Variants in ZNF43 observed in about 807,000 individuals in gnomAD.
ZNF43 encodes the protein zinc finger protein 39-like 1 (KOX 27).
Under a neutral mutation model 68.4 loss-of-function variants are expected in ZNF43, and 44 were observed. The observed-to-expected ratio is 0.64, with a 90% CI of 0.51 to 0.83. ZNF43 has a LOEUF of 0.83. Among genes scored for constraint, ZNF43 ranks in the 40% least tolerant of loss-of-function variants. The pLI is 0.00. For missense variants in ZNF43, 896 were observed against 933.2 expected (o/e 0.96, Z 0.52); for synonymous variants, 308 against 307.8 (o/e 1.00, Z -0.01).
intron 1 of ZNF43, among the ~76,000 whole-genome samples, chr19:21,826,022 C>T (rs917878318): frequency 6.6e-6 from 1 of 152,134 alleles, no homozygotes; most frequent in African/African-American, 2.4e-5. Context: ...GCACTCCAGC[C>T]TGGGCAACAG....
chr19:21,819,308 G>A, intron 1 of ZNF43, 87 bp from the exon 2 acceptor site: 3 of 1,453,112 alleles, frequency 2.1e-6, no homozygotes, highest in Non-Finnish European at 2.7e-6. Flanking sequence ...AAGGTAAAAT[G>A]AGAGAGTAAA....
rs1246798273 is a variant in ZNF43 at position 21,806,328 on chromosome 19, T to G, written c.*1279A>C. On this transcript the variant is annotated 3_prime_UTR_variant, in exon 4 of 4. Coordinates refer to ENST00000354959, the MANE Select transcript of ZNF43 (RefSeq NM_003423.4). The stretch of plus-strand genomic sequence containing the variant: ...AGTAGCTGGGATTATAGGTGCCTGG[T>G]AAATTTTTGTATTTTTAGTAAAGAC... The G allele has an allele frequency of 6.6e-6, 1 of 151,816 alleles. No homozygotes were observed. The highest frequency in any genetic ancestry group is 1.9e-4 in the East Asian group (1 of 5,164). The allele number at this position is 151,816 out of a possible 1,614,324, so 9.4% of individuals were successfully genotyped here. A position where few individuals can be genotyped will look rare whatever the true frequency, so the allele number is the denominator to read the frequency against.
intron 1 of ZNF43, among the ~76,000 whole-genome samples, chr19:21,851,696 G>T (rs1968378103): frequency 6.6e-6 from 1 of 152,204 alleles, no homozygotes; most frequent in Non-Finnish European, 1.5e-5. Flanking sequence ...GTGCAGAGCT[G>T]ACCAGAGAGC....
In ZNF43 at chr19:21,817,930, A is replaced by C. The variant is rs1253118019; in HGVS notation, c.187T>G (p.Trp63Gly). ...ITCLEQEKEP[W>G]EPMRRHEMVA... ...ATTTCATGTCTCCTCATAGGCTCCC[A>C]AGGCTCTTTTTCTTGCTCCAGACAG... is the stretch of plus-strand genomic sequence containing the variant. Residue 63 changes from tryptophan (W) to glycine (G), a missense_variant, in exon 3 of 4, where the codon TGG (tryptophan) becomes GGG (glycine). By Grantham distance (184) the Trp-to-Gly change is radical. Coordinates refer to ENST00000354959, the MANE Select transcript of ZNF43 (RefSeq NM_003423.4). 1.9e-6 allele frequency: 3 copies of C among 1,613,254 alleles called. No individual in the cohort carries two copies. In the South Asian group the frequency reaches 3.3e-5, roughly 18 times the overall value.
In ZNF43 at chr19:21,808,166, C is replaced by T. The variant is rs140393076; in HGVS notation, c.1871G>A (p.Cys624Tyr). ...GTTAAAAGCTTTGCCACATTCTTCA[C>T]ATTTGTAGGGTTTTCCTCCAGTATG... ...KIHTGGKPYK[C>Y]EECGKAFNQF... The change falls in exon 4 of 4, where the codon TGT becomes TAT. Residue 624 changes from cysteine to tyrosine, a missense_variant. Transcript: ENST00000354959. 58 of 1,613,102 alleles carry T rather than the reference C, an allele frequency of 3.6e-5. No homozygotes were observed. The highest frequency in any genetic ancestry group is 4.2e-5 in the Non-Finnish European group (50 of 1,179,744).
intron 1 of ZNF43, among the ~76,000 whole-genome samples, chr19:21,825,175 A>C (rs896880648): frequency 3.9e-5 from 6 of 152,184 alleles, no homozygotes; most frequent in African/African-American, 1.4e-4. Context: ...TGGGGGTTGC[A>C]GTGAGCCTAG....
chr19:21,851,714 AG>A (rs1278352304), intron 1 of ZNF43, among the ~76,000 whole-genome samples: 2 of 152,112 alleles, frequency 1.3e-5, no homozygotes, highest in Non-Finnish European at 2.9e-5. Context: ...AGCTCCAGAC[AG>A]GGTACCGCGC....
In ZNF43 at chr19:21,806,632, T is replaced by C. The variant is rs1318982263; in HGVS notation, c.*975A>G. The C allele has an allele frequency of 6.6e-6, 1 of 152,210 alleles. No homozygotes were observed. Among genetic ancestry groups the C allele is most frequent in the African/African-American group, 2.4e-5 (1 of 41,434 alleles). The allele number at this position is 152,210 out of a possible 1,614,324, so 9.4% of individuals were successfully genotyped here. ...AGCATAAAGTTATTTGAGAGTTTAATTACATCATTATTCACTAATTTAAAA... is the reference window on the plus strand; with the variant it reads ...AGCATAAAGTTATTTGAGAGTTTAACTACATCATTATTCACTAATTTAAAA... On this transcript the variant is annotated 3_prime_UTR_variant, in exon 4 of 4. Coordinates refer to ENST00000354959, the MANE Select transcript of ZNF43 (RefSeq NM_003423.4).
intron 1 of ZNF43, among the ~76,000 whole-genome samples, chr19:21,847,459 G>A (rs1968033945): frequency 6.6e-6 from 1 of 152,156 alleles, no homozygotes. Flanking sequence ...TACTTTGGGA[G>A]GCTGAGGAGG....
At chr19:21,844,896 CAAAAAAAAAAAAA>C (rs869257892) in intron 1 of ZNF43, among the ~76,000 whole-genome samples, 1 of 35,786 alleles carries the variant, frequency 2.8e-5, no homozygotes, top group Non-Finnish European at 3.9e-5. Context: ...GATTCCGTCT[CAAAAAAAAAAAAA>C]AAAAAAAAAA....
intron 1 of ZNF43, among the ~76,000 whole-genome samples, chr19:21,826,243 TGAAA>T (rs145035466): frequency 0.034 from 5,192 of 152,218 alleles, 307 homozygotes; most frequent in African/African-American, 0.12. Flanking sequence ...ATGGGAAGCC[TGAAA>T]GAAAAAGTTT....
In ZNF43 at chr19:21,809,698, A is replaced by G. The variant is rs747820227; in HGVS notation, c.339T>C (p.His113=). ...CCACACTTTTATGGTCTTTTTTTAAATGTACATTTTTATGTTCACAGTTTT... is the reference window on the plus strand; with the variant it reads ...CCACACTTTTATGGTCTTTTTTTAAGTGTACATTTTTATGTTCACAGTTTT... ...RYKNCEHKNV[H]LKKDHKSVDE... is the part of the protein sequence containing the mutation. Residue 113 remains histidine, a synonymous_variant, in exon 4 of 4, where the codon CAT becomes CAC. Coordinates refer to ENST00000354959, the MANE Select transcript of ZNF43 (RefSeq NM_003423.4). The G allele has an allele frequency of 6.2e-7, 1 of 1,613,126 alleles. No homozygotes were observed. The highest frequency in any genetic ancestry group is 1.1e-5 in the South Asian group (1 of 90,960).
At chr19:21,828,317 T>C (rs1016981101) in intron 1 of ZNF43, among the ~76,000 whole-genome samples, 3 of 152,218 alleles carry the variant, frequency 2.0e-5, no homozygotes, top group Non-Finnish European at 2.9e-5. Flanking sequence ...TGGTGATTCA[T>C]GCCTGTAATC....
intron 1 of ZNF43, among the ~76,000 whole-genome samples, chr19:21,834,156 G>A (rs1041655908): frequency 2.0e-5 from 3 of 151,758 alleles, no homozygotes; most frequent in Non-Finnish European, 4.4e-5. Flanking sequence ...TGGTCAACAT[G>A]GAAAAACCTT....
intron 1 of ZNF43, chr19:21,827,051 G>A (rs1445867498): frequency 6.6e-6 from 1 of 151,552 alleles, no homozygotes; most frequent in Non-Finnish European, 1.5e-5. Flanking sequence ...ACTTAGATTA[G>A]ATGAAAGATT....
At chr19:21,817,778 C>T (rs1204359892) in intron 3 of ZNF43, 110 bp downstream of exon 3, 7 of 1,169,004 alleles carry the variant, frequency 6.0e-6, no homozygotes, top group Non-Finnish European at 8.6e-6. Flanking sequence ...TTTCCAGAAA[C>T]TCTTTCCTTT....
chr19:21,841,687 C>A (rs1262266007), intron 1 of ZNF43: 1 of 152,226 alleles, frequency 6.6e-6, no homozygotes, highest in African/African-American at 2.4e-5. Flanking sequence ...TGTCATAATA[C>A]CCACAATACA....
rs1207097081 is a variant in ZNF43, at chr19:21,836,057, T to G, written c.-19A>C. On this transcript the variant is annotated 5_prime_UTR_variant, in exon 1 of 4. Transcript: ENST00000354959. Reference sequence around the variant, plus strand: ...TCACCATTTCTAGGCTTCCGGGGGGTCCTGGCGTCTTAGCTGTGGATCCCC... The same window carrying G: ...TCACCATTTCTAGGCTTCCGGGGGGGCCTGGCGTCTTAGCTGTGGATCCCC... 1.2e-6 allele frequency: 2 copies of G among 1,613,520 alleles called. No homozygotes were observed. Among genetic ancestry groups the G allele is most frequent in the African/African-American group, 2.7e-5 (2 of 74,824 alleles).
At chr19:21,816,370 G>A (rs60589883) in intron 3 of ZNF43, among the ~76,000 whole-genome samples, 5,482 of 152,194 alleles carry the variant, frequency 0.036, 293 homozygotes, top group African/African-American at 0.12. Flanking sequence ...TGAGATCCAG[G>A]CAGGCAGTTG....
Sources: allele counts gnomAD v4.1 joint callset (sites outside exome capture counted in the v4.1 genomes callset), GRCh38; gene constraint gnomAD v4.1.1; transcripts MANE v1.5; gene names NCBI Gene and HGNC (gene_info 2026-07-23, HGNC 2026-07-21).